The following LINGO2 variants were observed in gnomAD, a reference collection of about 807,000 sequenced individuals.
The protein encoded by LINGO2 is leucine-rich repeat and immunoglobulin-like domain-containing nogo receptor-interacting protein 2.
A neutral mutation model predicts 30.6 loss-of-function variants in LINGO2; 14 were observed. That is an observed-to-expected ratio of 0.46 (90% CI 0.30 to 0.72). LINGO2 has a LOEUF of 0.72. Among genes scored for constraint, LINGO2 ranks in the 30% least tolerant of loss-of-function variants. The pLI is 0.07. For missense variants in LINGO2, 729 were observed against 751.7 expected (o/e 0.97, Z 0.35); for synonymous variants, 317 against 288.5 (o/e 1.10, Z -1.00).
At chr9:28,158,693 G>A (rs1003844633) in intron 4 of LINGO2, among the ~76,000 whole-genome samples, 4 of 152,150 alleles carry the variant, frequency 2.6e-5, no homozygotes, top group Non-Finnish European at 5.9e-5. Context: ...ACAGACAAGA[G>A]GGGGTTGCCT....
chr9:28,324,200 A>C (rs1381201626), intron 3 of LINGO2, among the ~76,000 whole-genome samples: 2 of 152,012 alleles, frequency 1.3e-5, no homozygotes, highest in Non-Finnish European at 2.9e-5. Flanking sequence ...CTTCATTCCT[A>C]TTTTTCCATT....
At chr9:28,915,563 C>T in the LINGO2 span, among the ~76,000 whole-genome samples, 1 of 152,150 alleles carries the variant, frequency 6.6e-6, no homozygotes, top group South Asian at 2.1e-4. Context: ...TTGGGCCTCA[C>T]TTAACTTAAA....
intron 4 of LINGO2, among the ~76,000 whole-genome samples, chr9:28,173,895 C>T (rs1168740891): frequency 6.6e-6 from 1 of 152,014 alleles, no homozygotes; most frequent in African/African-American, 2.4e-5. Context: ...CAACTGGACA[C>T]AATATTAGGA....
At chr9:27,966,989 T>C (rs1015105594) in intron 5 of LINGO2, among the ~76,000 whole-genome samples, 3 of 152,194 alleles carry the variant, frequency 2.0e-5, no homozygotes, top group African/African-American at 7.2e-5. Flanking sequence ...CATGAAAAAC[T>C]GGACTCTTTG....
intron 4 of LINGO2, among the ~76,000 whole-genome samples, chr9:28,101,813 CTAATGATACATT>C (rs1194944617): frequency 4.6e-5 from 7 of 152,128 alleles, no homozygotes; most frequent in Admixed American, 2.6e-4. Context: ...CAAAACTGAA[CTAATGATACATT>C]TAGTTTGGGG....
At chr9:28,027,319 G>T (rs951828124) in intron 4 of LINGO2, among the ~76,000 whole-genome samples, 1 of 152,156 alleles carries the variant, frequency 6.6e-6, no homozygotes, top group Non-Finnish European at 1.5e-5. Flanking sequence ...GCAAGTGGTG[G>T]TTCAAGCATG....
chr9:29,202,675 C>T, the LINGO2 span, among the ~76,000 whole-genome samples: 1 of 152,136 alleles, frequency 6.6e-6, no homozygotes, highest in East Asian at 1.9e-4. Context: ...CCATTTATTT[C>T]TATTGAATCA....
chr9:28,928,386 G>A, the LINGO2 span, among the ~76,000 whole-genome samples: 3 of 152,090 alleles, frequency 2.0e-5, no homozygotes, highest in African/African-American at 7.2e-5. Context: ...TCTAAAAGAA[G>A]GATATACCTA....
the LINGO2 span, among the ~76,000 whole-genome samples, chr9:28,734,479 G>C: frequency 6.6e-6 from 1 of 152,128 alleles, no homozygotes; most frequent in South Asian, 2.1e-4. Flanking sequence ...AGGTAAGTAG[G>C]GGACTACTGT....
At chr9:29,040,208 T>C in the LINGO2 span, among the ~76,000 whole-genome samples, 5 of 152,076 alleles carry the variant, frequency 3.3e-5, no homozygotes, top group Admixed American at 3.3e-4. Flanking sequence ...ACCTTAGAGA[T>C]AGCTGAATTT....
intron 3 of LINGO2, among the ~76,000 whole-genome samples, chr9:28,300,615 C>T (rs1426451299): frequency 6.6e-6 from 1 of 152,136 alleles, no homozygotes; most frequent in Non-Finnish European, 1.5e-5. Context: ...TTATCCCTTC[C>T]TGCCTGCTTT....
chr9:28,880,273 C>T, the LINGO2 span, among the ~76,000 whole-genome samples: 287 of 152,148 alleles, frequency 1.9e-3, 1 homozygote, highest in African/African-American at 6.8e-3. Flanking sequence ...TAAGAGACTC[C>T]ATTTTGAAAA....
chr9:28,436,543 C>T (rs1212597356), intron 2 of LINGO2, among the ~76,000 whole-genome samples: 5 of 151,852 alleles, frequency 3.3e-5, no homozygotes, highest in Non-Finnish European at 5.9e-5. Context: ...CTGTAAGCTC[C>T]GCCTCCCGGG....
chr9:28,261,067 TA>T (rs1822547972), intron 4 of LINGO2, among the ~76,000 whole-genome samples: 1 of 151,984 alleles, frequency 6.6e-6, no homozygotes, highest in South Asian at 2.1e-4. Flanking sequence ...TAATTGCCAT[TA>T]TTTTTTACTG....
intron 3 of LINGO2, among the ~76,000 whole-genome samples, chr9:28,318,086 C>T (rs1406626815): frequency 2.6e-5 from 4 of 152,272 alleles, no homozygotes; most frequent in Non-Finnish European, 4.4e-5. Flanking sequence ...ACCAGGATTC[C>T]CATGTTCTTT....
chr9:28,821,875 T>C, the LINGO2 span, among the ~76,000 whole-genome samples: 1 of 152,130 alleles, frequency 6.6e-6, no homozygotes, highest in African/African-American at 2.4e-5. Context: ...AAGGTAATAA[T>C]CACTCCAGAG....
intron 1 of LINGO2, among the ~76,000 whole-genome samples, chr9:28,507,313 C>T (rs529770528): frequency 1.6e-4 from 24 of 151,974 alleles, no homozygotes; most frequent in Admixed American, 7.2e-4. Context: ...TTATATCCTT[C>T]AAGAGAAAAA....
intron 4 of LINGO2, among the ~76,000 whole-genome samples, chr9:28,046,228 A>G (rs1389039169): frequency 2.0e-5 from 3 of 152,164 alleles, no homozygotes; most frequent in Non-Finnish European, 4.4e-5. Flanking sequence ...TGAATGCTAT[A>G]AAAGCATACT....
chr9:28,367,626 C>G (rs575436519), intron 3 of LINGO2, among the ~76,000 whole-genome samples: 2 of 151,376 alleles, frequency 1.3e-5, no homozygotes, highest in South Asian at 4.2e-4. Flanking sequence ...CTGGCTCTTA[C>G]GCTTTTGTAG....
Sources: allele counts gnomAD v4.1 joint callset (sites outside exome capture counted in the v4.1 genomes callset), GRCh38; gene constraint gnomAD v4.1.1; transcripts MANE v1.5; gene names NCBI Gene and HGNC (gene_info 2026-07-23, HGNC 2026-07-21).